The following MS4A15 variants were observed in gnomAD, a reference collection of about 807,000 sequenced individuals.
MS4A15 encodes membrane-spanning 4-domains subfamily A member 15.
Under a neutral mutation model 20.6 loss-of-function variants are expected in MS4A15, and 22 were observed. The ratio of observed to expected loss-of-function variants is 1.07; its 90% CI spans 0.76 to 1.52. The LOEUF (loss-of-function observed/expected upper bound fraction) is 1.52. Ranked by LOEUF, MS4A15 falls within the 40% of genes most tolerant of loss-of-function variation. The probability of loss-of-function intolerance (pLI) is 0.00; values close to 1 mark genes in which losing one functional copy is unlikely to be tolerated. For missense variants in MS4A15, 312 were observed against 323.0 expected (o/e 0.97, Z 0.26); for synonymous variants, 129 against 129.3 (o/e 1.00, Z 0.02).
Position 60,767,564 on chromosome 11 carries a change from T to C in MS4A15, c.257T>C (p.Leu86Pro), listed in dbSNP as rs1256694946. Residue 86 changes from leucine to proline, a missense_variant, in exon 3 of 7, where the codon CTA becomes CCA. Coordinates refer to ENST00000405633, the MANE Select transcript of MS4A15 (RefSeq NM_001098835.2). Reference sequence around the variant, plus strand: ...CAGATCCTCATCGGCCTCATCCACCTAGGCTTTGGCAGCGTGCTGCTCATG... The same window carrying C: ...CAGATCCTCATCGGCCTCATCCACCCAGGCTTTGGCAGCGTGCTGCTCATG... ...TVQILIGLIH[L>P]GFGSVLLMVR... 1 of 1,552,266 alleles carries C rather than the reference T, an allele frequency of 6.4e-7. No individual in the cohort carries two copies. The highest frequency in any genetic ancestry group is 8.7e-7 in the Non-Finnish European group (1 of 1,147,302).
intron 2 of MS4A15, 41 bp downstream of exon 2, chr11:60,763,999 G>T (rs780381719): frequency 1.9e-6 from 3 of 1,541,614 alleles, no homozygotes; most frequent in Non-Finnish European, 2.7e-6. Flanking sequence ...CAGGTAGTGA[G>T]TATCCCAGCA....
intron 1 of MS4A15, among the ~76,000 whole-genome samples, chr11:60,757,510 G>C (rs975676307): frequency 1.3e-5 from 2 of 152,184 alleles, no homozygotes; most frequent in African/African-American, 4.8e-5. Flanking sequence ...CGGGAGGCGG[G>C]CGGGGGGTCC....
Position 60,773,881 on chromosome 11 carries a change from C to T in MS4A15, c.543C>T (p.Val181=), listed in dbSNP as rs777759933. 1.2e-5 allele frequency: 20 copies of T among 1,614,044 alleles called. No homozygotes were observed. Among genetic ancestry groups the T allele is most frequent in the Admixed American group, 1.7e-5 (1 of 60,012 alleles). Residue 181 remains valine, a synonymous_variant, in exon 6 of 7, where the codon GTC becomes GTT. Coordinates refer to ENST00000405633, the MANE Select transcript of MS4A15 (RefSeq NM_001098835.2). ...TGGCCGTGCTTACTATCTTCACTGT[C>T]CTGGAGTTCTTCACAGCGGTCATTG... ...GYLAVLTIFT[V]LEFFTAVIAM...
intron 1 of MS4A15, among the ~76,000 whole-genome samples, chr11:60,760,352 A>G (rs1479553426): frequency 1.3e-5 from 2 of 152,198 alleles, no homozygotes; most frequent in Non-Finnish European, 2.9e-5. Flanking sequence ...CTGATTGCCA[A>G]TGGCATTCTC....
At chr11:60,765,486 C>T (rs749180867) in intron 2 of MS4A15, among the ~76,000 whole-genome samples, 6 of 151,936 alleles carry the variant, frequency 3.9e-5, no homozygotes, top group Admixed American at 6.6e-5. Context: ...CGTACTGTGC[C>T]GGGGACTTTG....
chr11:60,773,741 C>T (rs1467586772), intron 5 of MS4A15, 96 bp from the exon 6 acceptor site: 3 of 1,048,080 alleles, frequency 2.9e-6, no homozygotes, highest in Admixed American at 3.4e-5. Flanking sequence ...GCTCTGCTCC[C>T]AACTAGCCGC....
At chr11:60,768,789 C>T (rs989608737) in intron 3 of MS4A15, among the ~76,000 whole-genome samples, 42 of 152,136 alleles carry the variant, frequency 2.8e-4, no homozygotes, top group Admixed American at 2.2e-3. Context: ...AGTCCTTTTT[C>T]GAGAGAAAGC....
At chr11:60,767,053 GA>G (rs950751791) in intron 2 of MS4A15, among the ~76,000 whole-genome samples, 1 of 152,214 alleles carries the variant, frequency 6.6e-6, no homozygotes, top group African/African-American at 2.4e-5. Context: ...CTTAGAAAGA[GA>G]AAAAATCCCA....
chr11:60,773,801 C>A, intron 5 of MS4A15, 36 bp from the exon 6 acceptor site: 1 of 1,581,248 alleles, frequency 6.3e-7, no homozygotes, highest in Non-Finnish European at 8.7e-7. Context: ...TACTCTAGAA[C>A]TCTGGGCTCA....
rs1565074694 is a variant in MS4A15, at chr11:60,773,489, GTT to G, written c.498+6_498+7del. ...GATTTTGGTGTTACCAACCGGGTGCGTTGTCAGATGGCCCTCGGGGTGGGAAA... is the reference window on the plus strand; with the variant it reads ...GATTTTGGTGTTACCAACCGGGTGCGGTCAGATGGCCCTCGGGGTGGGAAA... On this transcript the variant is annotated splice_donor_region_variant and intron_variant, in intron 5 of 6. Transcript: ENST00000405633. The G allele has an allele frequency of 2.5e-6, 4 of 1,612,968 alleles. No homozygotes were observed. In the East Asian group the frequency reaches 8.9e-5, roughly 36 times the overall value.
At chr11:60,772,410 G>A (rs993567410) in intron 4 of MS4A15, among the ~76,000 whole-genome samples, 2 of 152,284 alleles carry the variant, frequency 1.3e-5, no homozygotes, top group East Asian at 1.9e-4. Context: ...GACTAGAAGC[G>A]AGGACTCTCC....
rs1854176197 is a variant in MS4A15, at chr11:60,775,705, G to A, written c.713G>A (p.Gly238Glu). The change falls in exon 7 of 7, where the codon GGA becomes GAA. Residue 238 changes from glycine to glutamate, a missense_variant. Gly to Glu is a moderately conservative substitution (Grantham distance 98). Coordinates refer to ENST00000405633, the MANE Select transcript of MS4A15 (RefSeq NM_001098835.2). The part of the protein sequence containing the change: ...PAYDNVAYAQ[G>E]VV ...TATGACAATGTGGCATATGCCCAAGGAGTCGTCTGAGTAGCAGATGTGGCA... is the reference window on the plus strand; with the variant it reads ...TATGACAATGTGGCATATGCCCAAGAAGTCGTCTGAGTAGCAGATGTGGCA... 3 of 1,613,042 alleles carry A rather than the reference G, an allele frequency of 1.9e-6. No individual in the cohort carries two copies. The highest frequency in any genetic ancestry group is 2.5e-6 in the Non-Finnish European group (3 of 1,179,414).
At chr11:60,772,726 C>A (rs969875537) in intron 4 of MS4A15, among the ~76,000 whole-genome samples, 1 of 152,142 alleles carries the variant, frequency 6.6e-6, no homozygotes, top group Non-Finnish European at 1.5e-5. Context: ...GTCACGAGAC[C>A]GTCAGGTTCG....
intron 2 of MS4A15, among the ~76,000 whole-genome samples, chr11:60,765,739 C>T (rs535845358): frequency 6.6e-6 from 1 of 152,212 alleles, no homozygotes; most frequent in African/African-American, 2.4e-5. Context: ...AATAGCTGCA[C>T]CACATCCATT....
chr11:60,767,756 C>A, intron 3 of MS4A15, 101 bp downstream of exon 3: 1 of 1,349,670 alleles, frequency 7.4e-7, no homozygotes, highest in South Asian at 1.7e-5. Context: ...CACAGCCTCT[C>A]CTAGGTGGGG....
chr11:60,763,652 A>T, intron 1 of MS4A15, 54 bp from the exon 2 acceptor site: 1 of 1,478,210 alleles, frequency 6.8e-7, no homozygotes, highest in Non-Finnish European at 9.4e-7. Context: ...CTTATCAACT[A>T]AAAAGCTTTA....
chr11:60,775,826 T>A lies in MS4A15; in HGVS notation c.*111T>A, dbSNP rs116676129. 2.3e-3 allele frequency: 1,514 copies of A among 660,070 alleles called. 17 individuals carry two copies. In the African/African-American group the frequency reaches 0.035, roughly 15 times the overall value. The allele number at this position is 660,070 out of a possible 1,614,324, so 40.9% of individuals were successfully genotyped here. ...CCAGCCCCATCCCAGCTGCCCTCCCTCACCACATCTACACATACTCCGGCA... is the reference window on the plus strand; with the variant it reads ...CCAGCCCCATCCCAGCTGCCCTCCCACACCACATCTACACATACTCCGGCA... On this transcript the variant is annotated 3_prime_UTR_variant, in exon 7 of 7. Coordinates refer to ENST00000405633, the MANE Select transcript of MS4A15 (RefSeq NM_001098835.2).
intron 3 of MS4A15, among the ~76,000 whole-genome samples, chr11:60,768,028 A>G (rs1590981073): frequency 6.6e-6 from 1 of 151,938 alleles, no homozygotes; most frequent in South Asian, 2.1e-4. Context: ...CCCCGTCTCT[A>G]CTAAAAATAC....
intron 1 of MS4A15, among the ~76,000 whole-genome samples, chr11:60,760,725 C>T (rs11230467): frequency 0.36 from 54,847 of 152,032 alleles, 10,128 homozygotes; most frequent in Middle Eastern, 0.41. Flanking sequence ...ATTAAACAAG[C>T]TCATCAAACT....
Sources: gnomAD v4.1 joint callset for allele counts (sites outside exome capture counted in the v4.1 genomes callset) on GRCh38, gnomAD v4.1.1 for gene constraint, MANE v1.5 for transcripts, NCBI Gene and HGNC (gene_info 2026-07-23, HGNC 2026-07-21) for gene names.